The following FGGY variants were observed in gnomAD, a reference collection of about 807,000 sequenced individuals.
FGGY encodes the protein FGGY carbohydrate kinase domain containing.
Under a neutral mutation model 71.3 loss-of-function variants are expected in FGGY, and 72 were observed. That is an observed-to-expected ratio of 1.01 (90% CI 0.84 to 1.23). The LOEUF is 1.23. Among genes scored for constraint, FGGY ranks in the 50% most tolerant of loss-of-function variants. The pLI is 0.00. For missense variants in FGGY, 668 were observed against 682.3 expected (o/e 0.98, Z 0.23); for synonymous variants, 251 against 250.3 (o/e 1.00, Z -0.02).
At chr1:59,567,940 C>T (rs972187863) in intron 8 of FGGY, among the ~76,000 whole-genome samples, 2 of 151,188 alleles carry the variant, frequency 1.3e-5, no homozygotes, top group Non-Finnish European at 2.9e-5. Context: ...TCCGTGCTAT[C>T]CCTCACCATT....
At position 59,721,337 on chromosome 1, in the gene FGGY, G is replaced by GTTTTTTTTTTTTTTTTTT. The variant is rs71046339; in HGVS notation, c.1513-36592_1513-36575dup. ...AGAGAGTTTTTCTTTTCTTTCCTTTGTTTTTTTTTTTTTTTTTTTGAGACG... is the reference window on the plus strand; with the variant it reads ...AGAGAGTTTTTCTTTTCTTTCCTTTGTTTTTTTTTTTTTTTTTTTTTTTTTTTTTTTTTTTTTGAGACG... On this transcript the variant is annotated intron_variant, in intron 14 of 15. Coordinates refer to ENST00000303721, the MANE Select transcript of FGGY (RefSeq NM_018291.5). Among the ~76,000 whole-genome samples, 105 of 105,358 alleles carry GTTTTTTTTTTTTTTTTTT rather than the reference G, an allele frequency of 1.0e-3. 6 individuals carry two copies. Among genetic ancestry groups the GTTTTTTTTTTTTTTTTTT allele is most frequent in the African/African-American group, 1.9e-3 (45 of 24,020 alleles). The allele number at this position is 105,358 out of a possible 152,430, so 69.1% of individuals were successfully genotyped here.
chr1:59,650,904 C>G (rs1271307496), intron 11 of FGGY, among the ~76,000 whole-genome samples: 1 of 150,618 alleles, frequency 6.6e-6, no homozygotes, highest in South Asian at 2.1e-4. Flanking sequence ...ATAAATTTCC[C>G]TCTACACACT....
chr1:59,688,820 G>A (rs1188881411), intron 14 of FGGY, among the ~76,000 whole-genome samples: 3 of 151,512 alleles, frequency 2.0e-5, no homozygotes, highest in Non-Finnish European at 4.4e-5. Flanking sequence ...CGCAATCTTG[G>A]CTCACTGCAA....
chr1:59,723,426 A>G (rs1463778444), intron 14 of FGGY, among the ~76,000 whole-genome samples: 1 of 152,092 alleles, frequency 6.6e-6, no homozygotes, highest in Admixed American at 6.6e-5. Flanking sequence ...TCTGCCATCC[A>G]TTTACTTAAT....
At chr1:59,315,710 G>GT (rs1253134519) in intron 1 of FGGY, 1 of 152,146 alleles carries the variant, frequency 6.6e-6, no homozygotes, top group Non-Finnish European at 1.5e-5. Flanking sequence ...GCTTATACGC[G>GT]TTTTTACAGA....
intron 14 of FGGY, among the ~76,000 whole-genome samples, chr1:59,686,823 G>C: frequency 6.6e-6 from 1 of 152,040 alleles, no homozygotes; most frequent in East Asian, 1.9e-4. Flanking sequence ...TTACTCATTT[G>C]TATAAAAATA....
At chr1:59,672,748 G>T (rs1413577828) in intron 13 of FGGY, among the ~76,000 whole-genome samples, 1 of 152,158 alleles carries the variant, frequency 6.6e-6, no homozygotes, top group African/African-American at 2.4e-5. Flanking sequence ...AAGAAATCTA[G>T]GCTTTGGGAA....
Position 59,645,054 on chromosome 1 carries a change from AT to A in FGGY, c.1221+6684del, listed in dbSNP as rs532433108. ...TGTTTTAGGGATTTTTTTGGTGGTT[AT>A]TTTTATTTTAAATGTTTTGTTGAAT... On this transcript the variant is annotated intron_variant, in intron 11 of 15. Coordinates refer to ENST00000303721, the MANE Select transcript of FGGY (RefSeq NM_018291.5). 3.5e-4 allele frequency among the ~76,000 whole-genome samples: 53 copies of A among 151,924 alleles called. 1 individual carries two copies. Among genetic ancestry groups the A allele is most frequent in the African/African-American group, 1.2e-3 (50 of 41,424 alleles).
chr1:59,342,189 C>T (rs1342056542), intron 3 of FGGY, among the ~76,000 whole-genome samples: 3 of 152,030 alleles, frequency 2.0e-5, no homozygotes, highest in African/African-American at 7.2e-5. Context: ...ATTCATGAGC[C>T]CTACCCTCAG....
intron 5 of FGGY, among the ~76,000 whole-genome samples, chr1:59,435,560 C>T (rs2068248807): frequency 1.3e-5 from 2 of 152,114 alleles, no homozygotes; most frequent in Admixed American, 1.3e-4. Context: ...GCACTTTGCC[C>T]CTTTGCAGCC....
At chr1:59,559,257 G>A (rs1479400872) in intron 8 of FGGY, among the ~76,000 whole-genome samples, 1 of 152,214 alleles carries the variant, frequency 6.6e-6, no homozygotes, top group Non-Finnish European at 1.5e-5. Context: ...CACAATTTAT[G>A]TTCAGAGATT....
At position 59,371,033 on chromosome 1, in the gene FGGY, C is replaced by G. The variant is rs572147334; in HGVS notation, c.466-7716C>G. On this transcript the variant is annotated intron_variant, in intron 4 of 15. Transcript: ENST00000303721. Reference sequence around the variant, plus strand: ...AAATCACCAGCTAACATCATAATGACAGGATCAAATTCACACATAACAATA... The same window carrying G: ...AAATCACCAGCTAACATCATAATGAGAGGATCAAATTCACACATAACAATA... Among the ~76,000 whole-genome samples, 309 of 151,662 alleles carry G rather than the reference C, an allele frequency of 2.0e-3. 1 individual carries two copies. The highest frequency in any genetic ancestry group is 6.5e-3 in the African/African-American group (270 of 41,312).
chr1:59,725,447 C>G (rs1456279360), intron 14 of FGGY, among the ~76,000 whole-genome samples: 1 of 152,042 alleles, frequency 6.6e-6, no homozygotes. Context: ...ATTATGTTGA[C>G]TAATGTAGAT....
intron 14 of FGGY, among the ~76,000 whole-genome samples, chr1:59,753,744 T>C (rs944463735): frequency 2.6e-5 from 4 of 151,860 alleles, no homozygotes; most frequent in African/African-American, 9.7e-5. Context: ...AAACAAAAAA[T>C]TATGTAGCAC....
At chr1:59,337,642 A>T (rs183200480) in intron 2 of FGGY, among the ~76,000 whole-genome samples, 74 of 152,132 alleles carry the variant, frequency 4.9e-4, no homozygotes, top group African/African-American at 1.7e-3. Context: ...TATTTTCTTA[A>T]TTTTATTTTT....
At chr1:59,500,103 C>T (rs978960640) in intron 6 of FGGY, among the ~76,000 whole-genome samples, 17 of 152,054 alleles carry the variant, frequency 1.1e-4, no homozygotes, top group South Asian at 6.2e-4. Flanking sequence ...GTCAGGACAA[C>T]GGCATAGAAG....
intron 8 of FGGY, among the ~76,000 whole-genome samples, chr1:59,567,117 TC>T (rs1305508425): frequency 2.0e-5 from 3 of 152,194 alleles, no homozygotes; most frequent in Admixed American, 2.0e-4. Flanking sequence ...CTATTTGATT[TC>T]TGTTCTCTGA....
At chr1:59,557,850 C>A (rs1174073041) in intron 8 of FGGY, among the ~76,000 whole-genome samples, 1 of 152,042 alleles carries the variant, frequency 6.6e-6, no homozygotes, top group Non-Finnish European at 1.5e-5. Flanking sequence ...GGGACAGGAC[C>A]CTGGGGGGGT....
intron 2 of FGGY, among the ~76,000 whole-genome samples, chr1:59,330,523 C>T (rs1164845896): frequency 1.6e-4 from 24 of 150,506 alleles, no homozygotes; most frequent in Admixed American, 6.6e-4. Context: ...AAGCCGAGAT[C>T]GCAGCACTGC....
Sources: gnomAD v4.1 joint callset for allele counts (sites outside exome capture counted in the v4.1 genomes callset) on GRCh38, gnomAD v4.1.1 for gene constraint, MANE v1.5 for transcripts, NCBI Gene and HGNC (gene_info 2026-07-23, HGNC 2026-07-21) for gene names.